Variants in HYCC1 observed in about 807,000 individuals in gnomAD.
HYCC1 encodes the protein hyccin.
At chr7:23,000,394 A>G in the HYCC1 span, among the ~76,000 whole-genome samples, 1 of 152,170 alleles carries the variant, frequency 6.6e-6, no homozygotes, top group South Asian at 2.1e-4. Flanking sequence ...ATCTATATAG[A>G]TATCTGCTCA....
At chr7:23,007,643 T>C in the HYCC1 span, among the ~76,000 whole-genome samples, 2 of 152,094 alleles carry the variant, frequency 1.3e-5, no homozygotes, top group African/African-American at 4.8e-5. Context: ...GCTGGCATAT[T>C]CAGAAATCAA....
At chr7:22,945,339 T>C in the HYCC1 span, 1 of 533,510 alleles carries the variant, frequency 1.9e-6, no homozygotes, top group African/African-American at 1.9e-5. Context: ...AGGGCAACAA[T>C]AACAAATAAG....
chr7:22,905,126 C>G, the HYCC1 span, among the ~76,000 whole-genome samples: 1 of 152,268 alleles, frequency 6.6e-6, no homozygotes, highest in East Asian at 1.9e-4. Context: ...TGGCACTAAG[C>G]CATTCATGAC....
chr7:23,013,196 C>A, the HYCC1 span, among the ~76,000 whole-genome samples: 727 of 152,280 alleles, frequency 4.8e-3, 7 homozygotes, highest in African/African-American at 0.017. Flanking sequence ...TTCAGCCAAA[C>A]CCCCGAGGAT....
At chr7:22,921,013 T>C in the HYCC1 span, among the ~76,000 whole-genome samples, 3 of 152,216 alleles carry the variant, frequency 2.0e-5, no homozygotes, top group African/African-American at 7.2e-5. Context: ...GCCATGATTA[T>C]AAGCTTCCTA....
chr7:22,998,461 CA>C, the HYCC1 span, among the ~76,000 whole-genome samples: 1 of 151,894 alleles, frequency 6.6e-6, no homozygotes, highest in Non-Finnish European at 1.5e-5. Context: ...CTCAGTGGTT[CA>C]ACATTTTTTA....
the HYCC1 span, among the ~76,000 whole-genome samples, chr7:22,930,892 C>T: frequency 6.6e-6 from 1 of 151,982 alleles, no homozygotes; most frequent in Non-Finnish European, 1.5e-5. Context: ...ACTACATGTT[C>T]GTCTCAATAC....
chr7:22,933,831 C>A, the HYCC1 span, among the ~76,000 whole-genome samples: 81 of 152,016 alleles, frequency 5.3e-4, no homozygotes, highest in African/African-American at 1.9e-3. Flanking sequence ...GTTTTTATTG[C>A]CTTTTCCCTC....
chr7:22,949,382 C>T, the HYCC1 span, among the ~76,000 whole-genome samples: 1 of 152,072 alleles, frequency 6.6e-6, no homozygotes, highest in African/African-American at 2.4e-5. Flanking sequence ...TTCTAACATA[C>T]TATAAATACT....
At chr7:22,950,365 T>A in the HYCC1 span, among the ~76,000 whole-genome samples, 39,981 of 151,832 alleles carry the variant, frequency 0.26, 5,619 homozygotes, top group Non-Finnish European at 0.32. Context: ...GAGGAAGGAG[T>A]TTTTAAAATT....
At chr7:22,930,264 G>A in the HYCC1 span, among the ~76,000 whole-genome samples, 1 of 149,004 alleles carries the variant, frequency 6.7e-6, no homozygotes, top group African/African-American at 2.5e-5. Context: ...AATGGGTGCA[G>A]CACACCAACA....
the HYCC1 span, among the ~76,000 whole-genome samples, chr7:22,917,829 C>A: frequency 6.6e-6 from 1 of 152,206 alleles, no homozygotes; most frequent in African/African-American, 2.4e-5. Flanking sequence ...CAATCCAATA[C>A]TTTCACCCTG....
At chr7:22,922,112 G>A in the HYCC1 span, among the ~76,000 whole-genome samples, 2 of 150,580 alleles carry the variant, frequency 1.3e-5, no homozygotes, top group Non-Finnish European at 3.0e-5. Flanking sequence ...AAAATCAAAC[G>A]GCATAATCTA....
the HYCC1 span, chr7:22,946,152 A>T: frequency 6.2e-7 from 1 of 1,612,144 alleles, no homozygotes; most frequent in Non-Finnish European, 8.5e-7. Flanking sequence ...TGACCTGTTA[A>T]TTCTGTATTT....
At chr7:22,928,782 A>G in the HYCC1 span, among the ~76,000 whole-genome samples, 3 of 152,144 alleles carry the variant, frequency 2.0e-5, no homozygotes, top group African/African-American at 7.2e-5. Context: ...TATAGATTCA[A>G]TGCCATCCCC....
the HYCC1 span, among the ~76,000 whole-genome samples, chr7:22,964,750 G>C: frequency 6.6e-6 from 1 of 152,226 alleles, no homozygotes; most frequent in East Asian, 1.9e-4. Flanking sequence ...GATACACAGA[G>C]TAAATGAACC....
chr7:22,985,428 A>T, the HYCC1 span: 1 of 152,188 alleles, frequency 6.6e-6, no homozygotes, highest in Admixed American at 6.5e-5. Context: ...AAACAAAATA[A>T]GAAATGAAAA....
At chr7:22,998,741 C>T in the HYCC1 span, among the ~76,000 whole-genome samples, 2 of 152,274 alleles carry the variant, frequency 1.3e-5, no homozygotes, top group South Asian at 4.1e-4. Flanking sequence ...CTCCTGATTT[C>T]TTCCCTTTTC....
At chr7:22,980,742 G>A in the HYCC1 span, among the ~76,000 whole-genome samples, 1 of 152,068 alleles carries the variant, frequency 6.6e-6, no homozygotes, top group Non-Finnish European at 1.5e-5. Flanking sequence ...TACTGGTACC[G>A]GACCTCTCCA....
Sources: gnomAD v4.1 joint callset for allele counts (sites outside exome capture counted in the v4.1 genomes callset) on GRCh38, gnomAD v4.1.1 for gene constraint, MANE v1.5 for transcripts, NCBI Gene and HGNC (gene_info 2026-07-23, HGNC 2026-07-21) for gene names.